Variants in PEX14 observed in about 807,000 individuals in gnomAD.
PEX14 encodes the protein peroxisomal biogenesis factor 14.
A neutral mutation model predicts 49.5 loss-of-function variants in PEX14; 15 were observed. The observed-to-expected ratio is 0.30, with a 90% CI of 0.20 to 0.47. The LOEUF is 0.47. Ranked by LOEUF, PEX14 falls within the 20% of genes least tolerant of loss-of-function variation. PEX14 has a pLI of 1.00. For missense variants in PEX14, 398 were observed against 494.8 expected, an observed-to-expected ratio of 0.80 and a Z score of 1.86; for synonymous variants, 210 against 212.7, an observed-to-expected ratio of 0.99 and a Z score of 0.11.
chr1:10,478,609 G>A (rs1311624268), intron 1 of PEX14, among the ~76,000 whole-genome samples: 1 of 152,136 alleles, frequency 6.6e-6, no homozygotes, highest in Admixed American at 6.6e-5. Context: ...GATTGAGACA[G>A]GGTCTCACTC....
intron 4 of PEX14, 149 bp downstream of exon 4, chr1:10,599,515 C>T (rs1242401309): frequency 1.1e-5 from 10 of 878,248 alleles, no homozygotes; most frequent in East Asian, 7.4e-5. Context: ...GAATGTGACA[C>T]ACCCCAGTCT....
intron 2 of PEX14, among the ~76,000 whole-genome samples, chr1:10,508,814 G>T (rs191077344): frequency 3.3e-5 from 5 of 152,348 alleles, no homozygotes; most frequent in African/African-American, 1.2e-4. Flanking sequence ...GTGACCTAGG[G>T]CCACTTTCTT....
rs115096592 is a variant in PEX14, at chr1:10,513,733, G to T, written c.84+18412G>T. Reference sequence around the variant, plus strand: ...CTGACTATTATATAGCCCTTAAAAGGGAAGGGTTTATTTTAGCTGGCTGCT... The same window carrying T: ...CTGACTATTATATAGCCCTTAAAAGTGAAGGGTTTATTTTAGCTGGCTGCT... On this transcript the variant is annotated intron_variant, in intron 2 of 8. Transcript: ENST00000356607. 3.3e-3 allele frequency among the ~76,000 whole-genome samples: 502 copies of T among 152,320 alleles called. 2 individuals are homozygous for T. The highest frequency in any genetic ancestry group is 0.012 in the African/African-American group (489 of 41,560).
At chr1:10,557,679 TA>T (rs1018119244) in intron 3 of PEX14, among the ~76,000 whole-genome samples, 1 of 152,240 alleles carries the variant, frequency 6.6e-6, no homozygotes, top group African/African-American at 2.4e-5. Context: ...ACCTGTGCTT[TA>T]AAAAGGTGAT....
intron 2 of PEX14, among the ~76,000 whole-genome samples, chr1:10,500,381 A>G (rs1641654059): frequency 6.7e-6 from 1 of 148,520 alleles, no homozygotes; most frequent in African/African-American, 2.5e-5. Flanking sequence ...CTCAAAAAAA[A>G]AAAAAAAAAA....
intron 3 of PEX14, among the ~76,000 whole-genome samples, chr1:10,565,977 G>A (rs1273451666): frequency 6.6e-6 from 1 of 152,228 alleles, no homozygotes; most frequent in African/African-American, 2.4e-5. Context: ...TTACATGTCT[G>A]TCTATTTACT....
chr1:10,475,422 G>A (rs774904569), intron 1 of PEX14, among the ~76,000 whole-genome samples: 17 of 152,194 alleles, frequency 1.1e-4, no homozygotes, highest in Non-Finnish European at 2.4e-4. Context: ...CTCCCTCACG[G>A]CCTCAGCCTC....
chr1:10,497,680 G>A (rs559043123), intron 2 of PEX14, among the ~76,000 whole-genome samples: 1 of 152,348 alleles, frequency 6.6e-6, no homozygotes, highest in South Asian at 2.1e-4. Context: ...AGAGCAGGAA[G>A]AGCTCTGCGG....
chr1:10,514,536 T>G lies in PEX14; in HGVS notation c.84+19215T>G, dbSNP rs1641939876. On this transcript the variant is annotated intron_variant, in intron 2 of 8. Transcript: ENST00000356607. The surrounding 1 kb of genome is among the most constrained non-coding windows in gnomAD (Gnocchi z 4.4). Reference sequence around the variant, plus strand: ...AGGTTCCACGTTCACACAGGAACTTTGGGCCTAAGACGCAACTCAAGGGAA... The same window carrying G: ...AGGTTCCACGTTCACACAGGAACTTGGGGCCTAAGACGCAACTCAAGGGAA... Among the ~76,000 whole-genome samples, 1 of 152,210 alleles carries G rather than the reference T, an allele frequency of 6.6e-6. No individual in the cohort carries two copies. The highest frequency in any genetic ancestry group is 1.5e-5 in the Non-Finnish European group (1 of 68,040).
chr1:10,506,743 T>G (rs915535972), intron 2 of PEX14, among the ~76,000 whole-genome samples: 8 of 152,354 alleles, frequency 5.3e-5, no homozygotes, highest in African/African-American at 1.7e-4. Context: ...ATTCTGTACT[T>G]TGATTGCTTT....
chr1:10,609,745 C>T (rs914129158), intron 4 of PEX14, among the ~76,000 whole-genome samples: 16 of 152,098 alleles, frequency 1.1e-4, no homozygotes, highest in South Asian at 4.2e-4. Context: ...ATTAGCTGGC[C>T]GTGGTGGCGG....
chr1:10,526,326 C>A (rs1400253388), intron 2 of PEX14, among the ~76,000 whole-genome samples: 1 of 150,150 alleles, frequency 6.7e-6, no homozygotes, highest in Admixed American at 6.7e-5. Flanking sequence ...TCAAGTGATT[C>A]TCCTGCCTTA....
chr1:10,604,375 G>T (rs1641070096), intron 4 of PEX14, among the ~76,000 whole-genome samples: 1 of 152,186 alleles, frequency 6.6e-6, no homozygotes, highest in African/African-American at 2.4e-5. Flanking sequence ...CCAACTCTTT[G>T]AGAGGCTGAG....
At chr1:10,557,062 CT>C (rs200327271) in intron 3 of PEX14, among the ~76,000 whole-genome samples, 9 of 149,438 alleles carry the variant, frequency 6.0e-5, no homozygotes, top group African/African-American at 1.5e-4. Context: ...TCTCATCTTT[CT>C]TTTTTTTTTC....
At chr1:10,538,193 C>G (rs1255308457) in intron 3 of PEX14, among the ~76,000 whole-genome samples, 1 of 152,160 alleles carries the variant, frequency 6.6e-6, no homozygotes, top group Non-Finnish European at 1.5e-5. Context: ...AAGCAGGGAG[C>G]CGGGGTGAGG....
intron 3 of PEX14, among the ~76,000 whole-genome samples, chr1:10,552,806 G>A (rs1282257317): frequency 6.6e-6 from 1 of 152,158 alleles, no homozygotes; most frequent in South Asian, 2.1e-4. Context: ...AGAACTAGTG[G>A]CGAAGAGGTT....
At chr1:10,476,438 T>C (rs755674933) in intron 1 of PEX14, among the ~76,000 whole-genome samples, 7 of 152,180 alleles carry the variant, frequency 4.6e-5, no homozygotes, top group Non-Finnish European at 8.8e-5. Context: ...GGTCTGGGTT[T>C]CTCTGAATTG....
chr1:10,629,996 C>T lies in PEX14; in HGVS notation c.*9C>T. 6.2e-7 allele frequency: 1 copy of T among 1,607,572 alleles called. No individual in the cohort carries two copies. Among genetic ancestry groups the T allele is most frequent in the Non-Finnish European group, 8.5e-7 (1 of 1,179,448 alleles). ...AGAGTGAGCGGGACTAGGGCTGCGCCTGCTGCCTCCAGCCCTGAGGATGGC... is the reference window on the plus strand; with the variant it reads ...AGAGTGAGCGGGACTAGGGCTGCGCTTGCTGCCTCCAGCCCTGAGGATGGC... On this transcript the variant is annotated 3_prime_UTR_variant, in exon 9 of 9. Coordinates refer to ENST00000356607, the MANE Select transcript of PEX14 (RefSeq NM_004565.3). The surrounding 1 kb of genome is among the most constrained non-coding windows in gnomAD (Gnocchi z 8.5).
chr1:10,530,993 G>A (rs1381010978), intron 2 of PEX14, among the ~76,000 whole-genome samples: 1 of 152,106 alleles, frequency 6.6e-6, no homozygotes, highest in African/African-American at 2.4e-5. Context: ...TGTGGTTGCC[G>A]CTGCTTCCTT....
Sources: gnomAD v4.1 joint callset for allele counts (sites outside exome capture counted in the v4.1 genomes callset) on GRCh38, gnomAD v4.1.1 for gene constraint, Gnocchi (gnomAD v3.1) non-coding constraint, MANE v1.5 for transcripts, NCBI Gene and HGNC (gene_info 2026-07-23, HGNC 2026-07-21) for gene names.